Variants in SCOC observed in about 807,000 individuals in gnomAD.
SCOC encodes short coiled-coil protein.
SCOC carries 7 observed loss-of-function variants against 9.9 expected under a neutral mutation model. The observed-to-expected ratio is 0.71, with a 90% CI of 0.40 to 1.33. The LOEUF is 1.33. SCOC is among the 40% of genes most tolerant of loss of function. The pLI is 0.01. For synonymous variants in SCOC, 19 were observed against 28.2 expected (o/e 0.67, Z 1.03); for missense variants, 66 against 89.7 (o/e 0.74, Z 1.07).
intron 2 of SCOC, among the ~76,000 whole-genome samples, chr4:140,356,775 A>G (rs1181507872): frequency 2.0e-5 from 3 of 152,082 alleles, no homozygotes; most frequent in Non-Finnish European, 4.4e-5. Context: ...TTTTTCCTTC[A>G]GTAATTAGCA....
Position 140,285,173 on chromosome 4 carries a change from G to T in SCOC, c.-19+27763G>T. 4.4e-6 allele frequency: 2 copies of T among 456,690 alleles called. 1 individual carries two copies. Among genetic ancestry groups the T allele is most frequent in the South Asian group, 3.1e-5 (2 of 64,570 alleles). 28.3% of individuals were successfully genotyped at this position (456,690 alleles called of 1,614,324 possible). A position where few individuals can be genotyped will look rare whatever the true frequency, so the allele number is the denominator to read the frequency against. On this transcript the variant is annotated intron_variant, in intron 1 of 4. Transcript: ENST00000394205. ...AAGCAAACAGGAGTTGGGTCCCAAGGTCTTACTCCAAAGTTGTGTTCGATA... is the reference window on the plus strand; with the variant it reads ...AAGCAAACAGGAGTTGGGTCCCAAGTTCTTACTCCAAAGTTGTGTTCGATA...
chr4:140,288,161 CATAG>C (rs1731353574), intron 1 of SCOC, among the ~76,000 whole-genome samples: 1 of 152,014 alleles, frequency 6.6e-6, no homozygotes, highest in Non-Finnish European at 1.5e-5. Flanking sequence ...ATAGATACCA[CATAG>C]ATATACTACA....
At chr4:140,294,015 T>C (rs1434866183) in intron 1 of SCOC, among the ~76,000 whole-genome samples, 3 of 152,196 alleles carry the variant, frequency 2.0e-5, no homozygotes, top group African/African-American at 4.8e-5. Context: ...GGAAAGAAGT[T>C]AAAGAAGGGC....
At chr4:140,326,891 G>A (rs779254561) in intron 1 of SCOC, among the ~76,000 whole-genome samples, 1 of 152,150 alleles carries the variant, frequency 6.6e-6, no homozygotes, top group African/African-American at 2.4e-5. Context: ...ATGTGACTCT[G>A]CTCCTGAGGC....
intron 1 of SCOC, among the ~76,000 whole-genome samples, chr4:140,264,515 A>G (rs1730694767): frequency 6.6e-6 from 1 of 152,222 alleles, no homozygotes; most frequent in Non-Finnish European, 1.5e-5. Context: ...GAATACATTC[A>G]AAAAGACTAG....
intron 2 of SCOC, among the ~76,000 whole-genome samples, chr4:140,345,875 C>T (rs1283518427): frequency 6.6e-6 from 1 of 152,138 alleles, no homozygotes; most frequent in Non-Finnish European, 1.5e-5. Flanking sequence ...TCAATAAATT[C>T]ATAGAGTCAA....
At chr4:140,338,623 G>A (rs1485359643), upstream of SCOC, among the ~76,000 whole-genome samples, 6 of 152,216 alleles carry the variant, frequency 3.9e-5, no homozygotes, top group East Asian at 7.7e-4. Context: ...AAATCAATGT[G>A]AAAAAATCAC....
intron 2 of SCOC, among the ~76,000 whole-genome samples, chr4:140,344,629 A>G (rs1726642087): frequency 6.6e-6 from 1 of 152,130 alleles, no homozygotes; most frequent in Non-Finnish European, 1.5e-5. Flanking sequence ...TTTGGAAATC[A>G]AAGAGGAGTA....
chr4:140,380,200 T>TTTTTC (rs1273973358), intron 3 of SCOC, among the ~76,000 whole-genome samples: 69 of 140,522 alleles, frequency 4.9e-4, no homozygotes, highest in Admixed American at 1.1e-3. Flanking sequence ...TTTTCTTTTT[T>TTTTTC]TTTTTTTTTT....
At chr4:140,335,952 T>C (rs1398769316) in intron 1 of SCOC, among the ~76,000 whole-genome samples, 1 of 152,106 alleles carries the variant, frequency 6.6e-6, no homozygotes, top group Non-Finnish European at 1.5e-5. Flanking sequence ...TTGACCTCAG[T>C]GTTTATGCTT....
intron 3 of SCOC, 73 bp downstream of exon 3, chr4:140,379,725 TTTTG>T (rs1432539283): frequency 2.7e-6 from 3 of 1,116,832 alleles, no homozygotes; most frequent in South Asian, 1.3e-5. Context: ...TATTGCTAAA[TTTTG>T]TTTGTTAGGA....
At position 140,288,871 on chromosome 4, in the gene SCOC, C is replaced by T. The variant is rs570189087; in HGVS notation, c.-19+31461C>T. Reference sequence around the variant, plus strand: ...CTATATACCCCTCATACAAAACACACCCCCATACCACATACATACACAGCT... The same window carrying T: ...CTATATACCCCTCATACAAAACACATCCCCATACCACATACATACACAGCT... On this transcript the variant is annotated intron_variant, in intron 1 of 4. Transcript: ENST00000394205. Among the ~76,000 whole-genome samples, 24 of 152,052 alleles carry T rather than the reference C, an allele frequency of 1.6e-4. No individual in the cohort carries two copies. In the South Asian group the frequency reaches 4.8e-3, roughly 30 times the overall value.
At chr4:140,355,396 A>G (rs1727182912) in intron 2 of SCOC, among the ~76,000 whole-genome samples, 1 of 152,036 alleles carries the variant, frequency 6.6e-6, no homozygotes, top group Non-Finnish European at 1.5e-5. Flanking sequence ...GTCCACACAA[A>G]TATCATGCTA....
rs573622641 is a variant in SCOC, at chr4:140,368,106, G to A, written c.71-11015G>A. ...GAATGCTGTACAGTATCTAGCTCACGATATAGTCACAAAACTAAACTTTTA... is the reference window on the plus strand; with the variant it reads ...GAATGCTGTACAGTATCTAGCTCACAATATAGTCACAAAACTAAACTTTTA... On this transcript the variant is annotated intron_variant, in intron 2 of 4. Transcript: ENST00000338517. 1.1e-4 allele frequency among the ~76,000 whole-genome samples: 17 copies of A among 152,266 alleles called. No individual in the cohort carries two copies. In the South Asian group the frequency reaches 2.3e-3, roughly 20 times the overall value.
rs1728388239 is a variant in SCOC at position 140,377,390 on chromosome 4, G to C, written c.-50-1731G>C. On this transcript the variant is annotated intron_variant, in intron 1 of 3. Coordinates refer to ENST00000608372, the MANE Select transcript of SCOC (RefSeq NM_001153484.2). Reference sequence around the variant, plus strand: ...TAGTAATCTGAAATGCAGAGAACCTGAGAATTAAATAATGTGAAAAAGAGG... The same window carrying C: ...TAGTAATCTGAAATGCAGAGAACCTCAGAATTAAATAATGTGAAAAAGAGG... Among the ~76,000 whole-genome samples the C allele has an allele frequency of 2.0e-5, 3 of 152,224 alleles. No homozygotes were observed. In the South Asian group the frequency reaches 6.2e-4, roughly 31 times the overall value.
chr4:140,346,114 C>T (rs976042610), intron 2 of SCOC, among the ~76,000 whole-genome samples: 1 of 152,164 alleles, frequency 6.6e-6, no homozygotes, highest in Admixed American at 6.5e-5. Flanking sequence ...TCCATCTGAG[C>T]ACCCTTCTCA....
At chr4:140,364,402 A>T (rs575676516) in intron 2 of SCOC, among the ~76,000 whole-genome samples, 1 of 152,316 alleles carries the variant, frequency 6.6e-6, no homozygotes, top group Non-Finnish European at 1.5e-5. Flanking sequence ...AGATGCCATT[A>T]AGAAAATCAT....
chr4:140,333,994 T>G (rs1732888924), intron 1 of SCOC, among the ~76,000 whole-genome samples: 1 of 152,172 alleles, frequency 6.6e-6, no homozygotes, highest in Non-Finnish European at 1.5e-5. Context: ...CATAGCTCAC[T>G]GCAGCCTTGA....
upstream of SCOC, among the ~76,000 whole-genome samples, chr4:140,342,136 T>G (rs1578829707): frequency 6.6e-6 from 1 of 152,256 alleles, no homozygotes; most frequent in Non-Finnish European, 1.5e-5. Context: ...CCACCATATC[T>G]CCCACCTCTT....
Sources: allele counts gnomAD v4.1 joint callset (sites outside exome capture counted in the v4.1 genomes callset), GRCh38; gene constraint gnomAD v4.1.1; transcripts MANE v1.5; gene names NCBI Gene and HGNC (gene_info 2026-07-23, HGNC 2026-07-21).